The following KATNA1 variants were observed in gnomAD, a reference collection of about 807,000 sequenced individuals.
KATNA1 encodes the protein katanin p60 ATPase-containing subunit A1.
In KATNA1, 42 loss-of-function variants were observed where a neutral mutation model predicts 62.6. That is an observed-to-expected ratio of 0.67 (90% CI 0.52 to 0.87). KATNA1 has a LOEUF of 0.87. Among genes scored for constraint, KATNA1 ranks in the 40% least tolerant of loss-of-function variants. KATNA1 has a pLI of 0.00. For synonymous variants in KATNA1, 186 were observed against 201.9 expected (o/e 0.92, Z 0.67); for missense variants, 498 against 612.5 (o/e 0.81, Z 1.97).
chr6:149,644,476 G>A (rs1015825120), intron 1 of KATNA1, among the ~76,000 whole-genome samples: 1 of 151,866 alleles, frequency 6.6e-6, no homozygotes, highest in African/African-American at 2.4e-5. Context: ...CAAAAAATTA[G>A]CTGGGCATGA....
At chr6:149,603,120 T>G in intron 6 of KATNA1, 148 bp downstream of exon 6, 1 of 468,032 alleles carries the variant, frequency 2.1e-6, no homozygotes, top group Non-Finnish European at 3.8e-6. Context: ...TCTAACAAAA[T>G]TCTCAGTAGC....
chr6:149,647,818 G>C (rs553943763), intron 1 of KATNA1, among the ~76,000 whole-genome samples: 1 of 152,246 alleles, frequency 6.6e-6, no homozygotes, highest in African/African-American at 2.4e-5. Flanking sequence ...ATATAAAAGC[G>C]GCCCTTCGCG....
rs181745640 is a variant in KATNA1, at chr6:149,638,616, A to C, written c.-13-56T>G. 3.6e-5 allele frequency: 45 copies of C among 1,255,002 alleles called. No homozygotes were observed. The East Asian group carries it at 1.0e-3, about 29-fold the overall frequency. 77.7% of individuals were successfully genotyped at this position (1,255,002 alleles called of 1,614,324 possible). On this transcript the variant is annotated intron_variant, in intron 1 of 10. Coordinates refer to ENST00000367411, the MANE Select transcript of KATNA1 (RefSeq NM_007044.4). Reference sequence around the variant, plus strand: ...TAGGTTTACATGTCTCTTAAAAATAAGTATAGTTATTAAAAAATACTTTCC... The same window carrying C: ...TAGGTTTACATGTCTCTTAAAAATACGTATAGTTATTAAAAAATACTTTCC...
intron 1 of KATNA1, among the ~76,000 whole-genome samples, chr6:149,642,054 C>G (rs776370034): frequency 2.6e-5 from 4 of 152,138 alleles, no homozygotes; most frequent in African/African-American, 4.8e-5. Context: ...AGGCGCTCAC[C>G]ACCATGCCCA....
chr6:149,633,581 AAGTT>A (rs75735037), intron 2 of KATNA1, among the ~76,000 whole-genome samples: 51,641 of 150,826 alleles, frequency 0.34, 10,426 homozygotes, highest in East Asian at 0.81. Flanking sequence ...AAAATACAAA[AAGTT>A]AGCCAGGCAT....
At chr6:149,635,891 C>T (rs916464818) in intron 2 of KATNA1, among the ~76,000 whole-genome samples, 3 of 150,304 alleles carry the variant, frequency 2.0e-5, no homozygotes, top group African/African-American at 7.4e-5. Context: ...CCCGTCTCTA[C>T]TAAAAATACA....
chr6:149,625,471 A>C (rs1779568441), intron 3 of KATNA1, among the ~76,000 whole-genome samples: 1 of 152,056 alleles, frequency 6.6e-6, no homozygotes, highest in Non-Finnish European at 1.5e-5. Flanking sequence ...TCTACTAAAA[A>C]TACAAAAAAT....
At chr6:149,623,388 A>G (rs1779484491) in intron 3 of KATNA1, 105 bp from the exon 4 acceptor site, 2 of 721,588 alleles carry the variant, frequency 2.8e-6, no homozygotes, top group East Asian at 5.6e-5. Flanking sequence ...CAATGCAACA[A>G]CTGAACACAA....
intron 1 of KATNA1, 55 bp downstream of exon 1, chr6:149,648,414 A>G (rs1381946521): frequency 6.6e-6 from 1 of 152,298 alleles, no homozygotes; most frequent in Non-Finnish European, 1.5e-5. Context: ...GTCCCTCACC[A>G]GCCCGGCCCT....
chr6:149,638,973 A>C (rs1780181498), intron 1 of KATNA1, among the ~76,000 whole-genome samples: 1 of 151,572 alleles, frequency 6.6e-6, no homozygotes, highest in Non-Finnish European at 1.5e-5. Flanking sequence ...TCCTGACCTC[A>C]GGTGATCTGC....
chr6:149,633,100 A>ATTTT (rs368739065), intron 2 of KATNA1, among the ~76,000 whole-genome samples, 184 bp from the exon 3 acceptor site: 9 of 120,726 alleles, frequency 7.5e-5, no homozygotes, highest in East Asian at 4.9e-4. Context: ...TTCAATTGCA[A>ATTTT]TTTTTTTTTT....
intron 1 of KATNA1, among the ~76,000 whole-genome samples, chr6:149,643,151 C>G (rs1211223297): frequency 6.6e-6 from 1 of 152,204 alleles, no homozygotes; most frequent in Non-Finnish European, 1.5e-5. Flanking sequence ...TCCAGGCCAA[C>G]AATCAGTGAG....
intron 3 of KATNA1, chr6:149,631,564 C>CAAAAAAAAAAAAAAAAAAAA (rs11436870): frequency 7.1e-6 from 1 of 140,428 alleles, no homozygotes; most frequent in African/African-American, 2.6e-5. Flanking sequence ...ACAAAAAAAA[C>CAAAAAAAAAAAAAAAAAAAA]AAAAAAAAAA....
intron 4 of KATNA1, 131 bp from the exon 5 acceptor site, chr6:149,604,913 A>T: frequency 1.3e-6 from 1 of 784,432 alleles, no homozygotes; most frequent in Non-Finnish European, 2.1e-6. Flanking sequence ...AGTGGCTCAC[A>T]CCTGTAATCC....
intron 2 of KATNA1, among the ~76,000 whole-genome samples, chr6:149,637,795 A>C (rs1237879318): frequency 6.6e-6 from 1 of 152,206 alleles, no homozygotes; most frequent in African/African-American, 2.4e-5. Context: ...GGATGACAAG[A>C]GCAAAACTCT....
rs745997781 is a variant in KATNA1 at position 149,632,762 on chromosome 6, C to G, written c.317G>C (p.Arg106Pro). ...TTCTTAAAAGGTTTCCACTTACCTT[C>G]GTTCAACAGGTACAGGCATGGACCA... is the stretch of plus-strand genomic sequence containing the variant. ...EVWSMPVPVE[R>P]RPSPGPRKRQ... The change falls in exon 3 of 11, where the codon CGA (arginine) becomes CCA (proline). Residue 106 changes from arginine to proline, a missense_variant. By Grantham distance (103) the Arg-to-Pro change is moderately radical (BLOSUM62 -2). Transcript: ENST00000367411. 1 of 1,599,840 alleles carries G rather than the reference C, an allele frequency of 6.3e-7. No individual in the cohort carries two copies. Among genetic ancestry groups the G allele is most frequent in the Non-Finnish European group, 8.5e-7 (1 of 1,176,606 alleles).
intron 1 of KATNA1, among the ~76,000 whole-genome samples, chr6:149,641,964 G>A (rs2114636299): frequency 6.6e-6 from 1 of 152,232 alleles, no homozygotes; most frequent in South Asian, 2.1e-4. Flanking sequence ...GTGCAGTGGT[G>A]TGATCTCGGC....
intron 4 of KATNA1, among the ~76,000 whole-genome samples, chr6:149,608,757 C>G (rs1021260881): frequency 2.0e-5 from 3 of 152,202 alleles, no homozygotes; most frequent in African/African-American, 7.2e-5. Flanking sequence ...CTTCCACTCC[C>G]CAACCACAGT....
In KATNA1 at chr6:149,608,020, C is replaced by G. The variant is rs186743604; in HGVS notation, c.502-3238G>C. Among the ~76,000 whole-genome samples the G allele has an allele frequency of 4.2e-3, 635 of 152,198 alleles. 4 individuals carry two copies. The highest frequency in any genetic ancestry group is 7.7e-3 in the Non-Finnish European group (525 of 68,000). On this transcript the variant is annotated intron_variant, in intron 4 of 10. Transcript: ENST00000367411. ...GGCAGAAGCTGCAGTAAGCCAAGAT[C>G]AGGCCACTGCACTCCAGCCTGGGCG...
Sources: gnomAD v4.1 joint callset for allele counts (sites outside exome capture counted in the v4.1 genomes callset) on GRCh38, gnomAD v4.1.1 for gene constraint, MANE v1.5 for transcripts, NCBI Gene and HGNC (gene_info 2026-07-23, HGNC 2026-07-21) for gene names.